The following CA10 variants were observed in gnomAD, a reference collection of about 807,000 sequenced individuals.
CA10 encodes the protein carbonic anhydrase-related protein 10.
Under a neutral mutation model 44.2 loss-of-function variants are expected in CA10, and 14 were observed. That is an observed-to-expected ratio of 0.32 (90% confidence interval 0.21 to 0.50). CA10 has a LOEUF of 0.50. CA10 is among the 20% of genes least tolerant of loss of function. The pLI, the probability that CA10 is intolerant of heterozygous loss-of-function variation, is 0.99. For missense variants in CA10, 350 were observed against 409.7 expected, an observed-to-expected ratio of 0.85 and a Z score of 1.26; for synonymous variants, 159 against 141.6, an observed-to-expected ratio of 1.12 and a Z score of -0.87.
At chr17:52,100,831 TCA>T (rs1343993341) in intron 1 of CA10, among the ~76,000 whole-genome samples, 1 of 152,190 alleles carries the variant, frequency 6.6e-6, no homozygotes, top group Non-Finnish European at 1.5e-5. Context: ...CTTTGATTTC[TCA>T]CAGTTTTATT....
At chr17:51,666,231 T>C (rs1914200653) in intron 4 of CA10, among the ~76,000 whole-genome samples, 1 of 152,126 alleles carries the variant, frequency 6.6e-6, no homozygotes, top group Non-Finnish European at 1.5e-5. Flanking sequence ...AAGTGTCCTG[T>C]AGCATCATGG....
intron 2 of CA10, among the ~76,000 whole-genome samples, chr17:52,023,972 G>A (rs191702389): frequency 6.6e-6 from 1 of 151,692 alleles, no homozygotes; most frequent in East Asian, 1.9e-4. Context: ...TATTCTTGTT[G>A]GGGTTTGTCA....
chr17:52,116,036 G>C (rs1988887560), intron 1 of CA10, among the ~76,000 whole-genome samples: 1 of 150,984 alleles, frequency 6.6e-6, no homozygotes, highest in African/African-American at 2.4e-5. Flanking sequence ...AGATTGCAGT[G>C]AGCTGAGATT....
At chr17:51,639,131 A>C (rs932013711) in intron 6 of CA10, among the ~76,000 whole-genome samples, 3 of 152,192 alleles carry the variant, frequency 2.0e-5, no homozygotes, top group Admixed American at 2.0e-4. Context: ...TTTGCACTTA[A>C]TGAGGCTTGC....
At chr17:51,677,803 T>A (rs1914679893) in intron 4 of CA10, among the ~76,000 whole-genome samples, 1 of 151,728 alleles carries the variant, frequency 6.6e-6, no homozygotes. Flanking sequence ...TGGTACGGGG[T>A]AAGCACTCAA....
Position 51,694,206 on chromosome 17 carries a change from G to GAA in CA10, c.466-40472_466-40471dup, listed in dbSNP as rs202082196. On this transcript the variant is annotated intron_variant, in intron 4 of 8. Transcript: ENST00000451037. Reference sequence around the variant, plus strand: ...GCAACAAGAGCGAAACTCCGTCTCGGAAAAAAAAAAAAAAGAAATCTCCAA... The same window carrying GAA: ...GCAACAAGAGCGAAACTCCGTCTCGGAAAAAAAAAAAAAAAAGAAATCTCCAA... Among the ~76,000 whole-genome samples, 212 of 137,996 alleles carry GAA rather than the reference G, an allele frequency of 1.5e-3. 2 individuals carry two copies. The highest frequency in any genetic ancestry group is 5.5e-3 in the African/African-American group (209 of 37,768). 90.5% of individuals were successfully genotyped at this position (137,996 alleles called of 152,430 possible).
At chr17:52,035,763 C>T (rs1187939920) in intron 2 of CA10, among the ~76,000 whole-genome samples, 2 of 152,358 alleles carry the variant, frequency 1.3e-5, no homozygotes, top group South Asian at 2.1e-4. Context: ...CTGCCTCGTT[C>T]GCTCATGCAC....
intron 3 of CA10, among the ~76,000 whole-genome samples, chr17:51,767,320 C>CT (rs398119865): frequency 0.066 from 7 of 106 alleles, no homozygotes; most frequent in Admixed American, 0.5. Context: ...TCCTCAGTGA[C>CT]TCTGGCTTTG....
intron 3 of CA10, among the ~76,000 whole-genome samples, chr17:51,831,936 C>T (rs887259000): frequency 1.3e-5 from 2 of 152,136 alleles, no homozygotes; most frequent in African/African-American, 4.8e-5. Context: ...GCAACTGATG[C>T]CTACCAAAAT....
chr17:51,986,542 T>C (rs143095481), intron 2 of CA10, among the ~76,000 whole-genome samples: 91 of 151,972 alleles, frequency 6.0e-4, no homozygotes, highest in African/African-American at 2.0e-3. Context: ...AGCTTTTGAA[T>C]GGCAAAGGGA....
intron 6 of CA10, among the ~76,000 whole-genome samples, chr17:51,637,689 A>G (rs1045561586): frequency 6.6e-6 from 1 of 152,252 alleles, no homozygotes; most frequent in Non-Finnish European, 1.5e-5. Context: ...TGAGTCAGGC[A>G]GATAGTAACA....
In CA10 at chr17:52,118,040, AC is replaced by A. The variant is rs1318816489; in HGVS notation, c.61+39685del. Among the ~76,000 whole-genome samples, 3 of 152,320 alleles carry A rather than the reference AC, an allele frequency of 2.0e-5. No individual in the cohort carries two copies. The East Asian group carries it at 5.8e-4, about 29-fold the overall frequency. On this transcript the variant is annotated intron_variant, in intron 1 of 8. Coordinates refer to ENST00000451037, the MANE Select transcript of CA10 (RefSeq NM_020178.5). ...AAGCACAACAAGGTTTTCTTAAGGC[AC>A]TAATCTGCTCTTTAGCAAAATTTGT...
chr17:52,097,327 C>G (rs1988428204), intron 1 of CA10, among the ~76,000 whole-genome samples: 1 of 152,138 alleles, frequency 6.6e-6, no homozygotes, highest in Admixed American at 6.6e-5. Context: ...CCCAGTGAGG[C>G]TGAACAAATT....
At chr17:51,683,247 A>G (rs757521173) in intron 4 of CA10, among the ~76,000 whole-genome samples, 3 of 152,216 alleles carry the variant, frequency 2.0e-5, no homozygotes, top group African/African-American at 2.4e-5. Flanking sequence ...TCTGCTTTGC[A>G]TATCAGTTCC....
intron 4 of CA10, among the ~76,000 whole-genome samples, chr17:51,738,901 G>T (rs1462380905): frequency 6.6e-6 from 1 of 152,156 alleles, no homozygotes; most frequent in East Asian, 1.9e-4. Flanking sequence ...TTGGGTTCTG[G>T]TCCTAATTCT....
intron 3 of CA10, among the ~76,000 whole-genome samples, chr17:51,839,550 G>A (rs1219993785): frequency 7.1e-6 from 1 of 140,738 alleles, no homozygotes; most frequent in Non-Finnish European, 1.5e-5. Context: ...TGTAGAAGAG[G>A]CAGTTAAAAA....
chr17:52,007,634 T>C (rs1163923098), intron 2 of CA10, among the ~76,000 whole-genome samples: 1 of 151,582 alleles, frequency 6.6e-6, no homozygotes. Context: ...TTGGATTTAA[T>C]TTGCTGATGT....
chr17:51,927,725 A>G (rs1038748851), intron 3 of CA10, among the ~76,000 whole-genome samples: 8 of 152,182 alleles, frequency 5.3e-5, no homozygotes, highest in Admixed American at 4.6e-4. Flanking sequence ...AATGGCTAAC[A>G]AGGGTCTCAA....
intron 3 of CA10, among the ~76,000 whole-genome samples, chr17:51,903,519 C>G (rs1348630338): frequency 1.8e-4 from 28 of 152,152 alleles, no homozygotes; most frequent in Admixed American, 1.8e-3. Context: ...GAGAAAACTG[C>G]AATCATATCC....
Sources: gnomAD v4.1 joint callset for allele counts (sites outside exome capture counted in the v4.1 genomes callset) on GRCh38, gnomAD v4.1.1 for gene constraint, MANE v1.5 for transcripts, NCBI Gene and HGNC (gene_info 2026-07-23, HGNC 2026-07-21) for gene names.